The following COL4A1 variants were observed in gnomAD, a reference collection of about 807,000 sequenced individuals.
The protein encoded by COL4A1 is collagen alpha-1(IV) chain.
A neutral mutation model predicts 216.6 loss-of-function variants in COL4A1; 40 were observed. The ratio of observed to expected loss-of-function variants is 0.18; its 90% CI spans 0.14 to 0.24. The LOEUF is 0.24. COL4A1 is among the 10% of genes least tolerant of loss of function. The pLI is 1.00. For missense variants in COL4A1, 1,628 were observed against 2,196.8 expected, an observed-to-expected ratio of 0.74 and a Z score of 5.18; for synonymous variants, 839 against 810.7, an observed-to-expected ratio of 1.03 and a Z score of -0.59.
rs1876409733 is a variant in COL4A1, at chr13:110,149,638, T to TA, written c.*724dup. On this transcript the variant is annotated 3_prime_UTR_variant, in exon 52 of 52. Coordinates refer to ENST00000375820, the MANE Select transcript of COL4A1 (RefSeq NM_001845.6). ...GCACAGTCTTTCAAAGGAAGAAAACTATGTAAGCTTTATTTTAACAGTGGA... is the reference window on the plus strand; with the variant it reads ...GCACAGTCTTTCAAAGGAAGAAAACTAATGTAAGCTTTATTTTAACAGTGGA... 6.5e-6 allele frequency: 1 copy of TA among 152,676 alleles called. No individual in the cohort carries two copies. Among genetic ancestry groups the TA allele is most frequent in the African/African-American group, 2.4e-5 (1 of 41,568 alleles). The allele number at this position is 152,676 out of a possible 1,614,324, so 9.5% of individuals were successfully genotyped here.
At chr13:110,260,604 C>G (rs950554954) in intron 1 of COL4A1, among the ~76,000 whole-genome samples, 47 of 152,200 alleles carry the variant, frequency 3.1e-4, no homozygotes, top group African/African-American at 1.1e-3. Flanking sequence ...GAATGCATGC[C>G]TCTCGTGCTG....
chr13:110,239,913 A>G (rs184954990), intron 2 of COL4A1, among the ~76,000 whole-genome samples: 2 of 152,350 alleles, frequency 1.3e-5, no homozygotes, highest in Non-Finnish European at 2.9e-5. Flanking sequence ...TTCCAAGACA[A>G]TAAGGGGAAG....
At chr13:110,227,359 C>T (rs559979611) in intron 2 of COL4A1, among the ~76,000 whole-genome samples, 8 of 141,824 alleles carry the variant, frequency 5.6e-5, no homozygotes, top group Admixed American at 2.2e-4. Flanking sequence ...ATCAATTGGG[C>T]GATAGATGAC....
At chr13:110,227,158 C>CT (rs1170218933) in intron 2 of COL4A1, among the ~76,000 whole-genome samples, 1 of 152,044 alleles carries the variant, frequency 6.6e-6, no homozygotes, top group Non-Finnish European at 1.5e-5. Flanking sequence ...CATTTCCTGC[C>CT]TTTTTTTCTT....
chr13:110,238,018 T>C (rs1351341630), intron 2 of COL4A1, among the ~76,000 whole-genome samples: 2 of 152,222 alleles, frequency 1.3e-5, no homozygotes, highest in South Asian at 4.1e-4. Context: ...GACAGACAGA[T>C]AGCAATGCCA....
At chr13:110,209,737 A>G in intron 10 of COL4A1, 1 of 752,812 alleles carries the variant, frequency 1.3e-6, no homozygotes, top group South Asian at 1.4e-5. Flanking sequence ...TTCAACCATG[A>G]CTGCATTATT....
Position 110,287,664 on chromosome 13 carries a change from A to T in COL4A1, c.84+19280T>A, listed in dbSNP as rs149155088. ...ACGTCCTTGAGCGCCGTACAGTGGG[A>T]TGGCCTTGCCTGGGCGGCTGTCTGG... On this transcript the variant is annotated intron_variant, in intron 1 of 51. Transcript: ENST00000375820. Among the ~76,000 whole-genome samples, 572 of 152,362 alleles carry T rather than the reference A, an allele frequency of 3.8e-3. 2 individuals are homozygous for T. Among genetic ancestry groups the T allele is most frequent in the African/African-American group, 0.012 (498 of 41,590 alleles).
At chr13:110,190,410 T>C (rs1390342780) in intron 24 of COL4A1, among the ~76,000 whole-genome samples, 1 of 152,178 alleles carries the variant, frequency 6.6e-6, no homozygotes, top group East Asian at 1.9e-4. Flanking sequence ...TTGGTTTCAA[T>C]TCATCCTCCC....
In COL4A1 at chr13:110,257,663, T is replaced by C. The variant is rs139205999; in HGVS notation, c.85-14929A>G. Among the ~76,000 whole-genome samples the C allele has an allele frequency of 3.0e-3, 450 of 152,368 alleles. 4 individuals are homozygous for C. The highest frequency in any genetic ancestry group is 0.01 in the African/African-American group (432 of 41,586). On this transcript the variant is annotated intron_variant, in intron 1 of 51. Coordinates refer to ENST00000375820, the MANE Select transcript of COL4A1 (RefSeq NM_001845.6). The stretch of plus-strand genomic sequence containing the variant: ...GTTAACTGTACAAGGTCAGTGCATG[T>C]TGAGGCCTCCTTTCCAAACCACACT...
intron 2 of COL4A1, among the ~76,000 whole-genome samples, chr13:110,236,409 A>T (rs1881319565): frequency 6.6e-6 from 1 of 152,204 alleles, no homozygotes; most frequent in African/African-American, 2.4e-5. Context: ...CATCTCTCAA[A>T]GTGCCCAGCA....
intron 1 of COL4A1, among the ~76,000 whole-genome samples, chr13:110,281,889 A>G (rs905600759): frequency 6.6e-6 from 1 of 152,232 alleles, no homozygotes; most frequent in Non-Finnish European, 1.5e-5. Flanking sequence ...AGGCCCTGAC[A>G]TCTACAGTTT....
At chr13:110,241,480 G>A (rs1465116551) in intron 2 of COL4A1, among the ~76,000 whole-genome samples, 1 of 152,200 alleles carries the variant, frequency 6.6e-6, no homozygotes, top group Non-Finnish European at 1.5e-5. Context: ...TATATTTCAA[G>A]TTAGGTTTTT....
At position 110,192,291 on chromosome 13, in the gene COL4A1, T is replaced by G. The variant is rs772338095; in HGVS notation, c.1466-7A>C. 6.2e-7 allele frequency: 1 copy of G among 1,613,878 alleles called. No individual in the cohort carries two copies. Among genetic ancestry groups the G allele is most frequent in the Admixed American group, 1.7e-5 (1 of 60,000 alleles). On this transcript the variant is annotated splice_polypyrimidine_tract_variant and splice_region_variant and intron_variant, in intron 23 of 51. Transcript: ENST00000375820. ...CCTGGCTGCCCTGGGAAACCTTTCGTGAGAGAGAGGGAAAAAGACAGCAAC... is the reference window on the plus strand; with the variant it reads ...CCTGGCTGCCCTGGGAAACCTTTCGGGAGAGAGAGGGAAAAAGACAGCAAC...
intron 29 of COL4A1, among the ~76,000 whole-genome samples, chr13:110,180,200 A>G (rs1171642425): frequency 6.6e-6 from 1 of 152,246 alleles, no homozygotes; most frequent in East Asian, 1.9e-4. Flanking sequence ...TTAATCATAA[A>G]TTAAATCTTT....
At chr13:110,160,495 CAATGTCTTAA>C (rs1461837871) in intron 49 of COL4A1, among the ~76,000 whole-genome samples, 1 of 150,052 alleles carries the variant, frequency 6.7e-6, no homozygotes, top group African/African-American at 2.4e-5. Flanking sequence ...ATTCAGAAAA[CAATGTCTTAA>C]AAGGCTCCTT....
intron 24 of COL4A1, 35 bp from the exon 25 acceptor site, chr13:110,187,364 C>G: frequency 6.2e-7 from 1 of 1,610,218 alleles, no homozygotes; most frequent in South Asian, 1.1e-5. Flanking sequence ...CACAGAAGAA[C>G]CCATCCATGA....
At chr13:110,185,466 T>A (rs1015708461) in intron 26 of COL4A1, among the ~76,000 whole-genome samples, 1 of 152,246 alleles carries the variant, frequency 6.6e-6, no homozygotes, top group East Asian at 1.9e-4. Context: ...TAAATAACTA[T>A]GTTTTTTAAG....
Position 110,162,251 on chromosome 13 carries a change from G to C in COL4A1, c.4441C>G (p.Arg1481Gly). 1 of 1,614,176 alleles carries C rather than the reference G, an allele frequency of 6.2e-7. No individual in the cohort carries two copies. The highest frequency in any genetic ancestry group is 8.5e-7 in the Non-Finnish European group (1 of 1,180,016). Reference sequence around the variant, plus strand: ...TTACCCAAGTCCTGGCCATGGGCCCGTTCATTGCCTTGCACGTAGAGCAAA... The same window carrying C: ...TTACCCAAGTCCTGGCCATGGGCCCCTTCATTGCCTTGCACGTAGAGCAAA... Reference protein sequence around the residue: ...YSLLYVQGNERAHGQDLGTAG... With the variant: ...YSLLYVQGNEGAHGQDLGTAG... Residue 1481 changes from arginine (R) to glycine (G), a missense_variant, in exon 48 of 52, where the codon CGG (arginine) becomes GGG (glycine). This residue lies in a region of COL4A1 where 254 missense variants were observed against 300.1 expected (regional missense o/e 0.85). Coordinates refer to ENST00000375820, the MANE Select transcript of COL4A1 (RefSeq NM_001845.6).
intron 45 of COL4A1, among the ~76,000 whole-genome samples, chr13:110,165,296 G>A (rs1877284125): frequency 6.6e-6 from 1 of 152,082 alleles, no homozygotes; most frequent in Admixed American, 6.6e-5. Flanking sequence ...CTCCCAGCAG[G>A]GAGAGAAGCT....
Sources: allele counts gnomAD v4.1 joint callset (sites outside exome capture counted in the v4.1 genomes callset), GRCh38; gene constraint gnomAD v4.1.1; regional missense constraint gnomAD v4.1.1; transcripts MANE v1.5; gene names NCBI Gene and HGNC (gene_info 2026-07-23, HGNC 2026-07-21).